Variants in MDGA2 observed in about 807,000 individuals in gnomAD.
MDGA2 encodes the protein MAM domain containing glycosylphosphatidylinositol anchor 2.
MDGA2 carries 40 observed loss-of-function variants against 117.8 expected under a neutral mutation model. The ratio of observed to expected loss-of-function variants is 0.34; its 90% CI spans 0.26 to 0.44. The LOEUF is 0.44. Among genes scored for constraint, MDGA2 ranks in the 20% least tolerant of loss-of-function variants. The probability of loss-of-function intolerance (pLI) is 1.00; values close to 1 mark genes in which losing one functional copy is unlikely to be tolerated. For synonymous variants in MDGA2, 452 were observed against 439.0 expected (o/e 1.03, Z -0.37); for missense variants, 1,123 against 1,250.6 (o/e 0.90, Z 1.54).
At chr14:47,515,705 C>T (rs1348745023) in intron 1 of MDGA2, among the ~76,000 whole-genome samples, 3 of 151,902 alleles carry the variant, frequency 2.0e-5, no homozygotes, top group Non-Finnish European at 4.4e-5. Flanking sequence ...TATCAGGTAC[C>T]ACAATATATT....
At chr14:47,284,753 T>G (rs1888614390) in intron 2 of MDGA2, among the ~76,000 whole-genome samples, 1 of 151,744 alleles carries the variant, frequency 6.6e-6, no homozygotes, top group African/African-American at 2.4e-5. Flanking sequence ...TGGAGTGGCC[T>G]TATTTTACCA....
At chr14:47,132,863 C>T (rs1001953189) in intron 4 of MDGA2, among the ~76,000 whole-genome samples, 5 of 151,746 alleles carry the variant, frequency 3.3e-5, no homozygotes, top group African/African-American at 9.7e-5. Context: ...TAACATTTGT[C>T]GAGTTCTAAA....
chr14:47,082,332 G>GAA (rs11285576), intron 6 of MDGA2, among the ~76,000 whole-genome samples: 22 of 144,580 alleles, frequency 1.5e-4, no homozygotes, highest in Middle Eastern at 3.5e-3. Context: ...TCCAGGGAAG[G>GAA]AAAAAAAAAA....
At chr14:47,485,239 GA>G (rs1178904667) in intron 1 of MDGA2, among the ~76,000 whole-genome samples, 9 of 152,258 alleles carry the variant, frequency 5.9e-5, no homozygotes, top group African/African-American at 1.9e-4. Flanking sequence ...AACTTGTTGG[GA>G]ACTAGAGCAA....
Position 47,296,422 on chromosome 14 carries a change from G to A in MDGA2, c.420+4989C>T, listed in dbSNP as rs116439624. Among the ~76,000 whole-genome samples the A allele has an allele frequency of 4.2e-3, 645 of 152,244 alleles. 3 individuals are homozygous for A. The highest frequency in any genetic ancestry group is 0.015 in the African/African-American group (617 of 41,548). On this transcript the variant is annotated intron_variant, in intron 2 of 16. Transcript: ENST00000399232. ...TTTATCAGCAATTGAATTTATTTAC[G>A]TAGTATATTTGTCGTCACAAGTCTA...
intron 2 of MDGA2, among the ~76,000 whole-genome samples, chr14:47,232,192 GC>G (rs534043206): frequency 6.6e-6 from 1 of 152,068 alleles, no homozygotes; most frequent in Non-Finnish European, 1.5e-5. Flanking sequence ...GAAGAGATGT[GC>G]TTTGTAAAGC....
intron 1 of MDGA2, among the ~76,000 whole-genome samples, chr14:47,425,048 C>T (rs1892657784): frequency 6.6e-6 from 1 of 152,154 alleles, no homozygotes; most frequent in African/African-American, 2.4e-5. Flanking sequence ...ATTGGAGCAG[C>T]TCCCAAGGTA....
intron 3 of MDGA2, among the ~76,000 whole-genome samples, chr14:47,210,772 A>T (rs1885852637): frequency 6.6e-6 from 1 of 152,044 alleles, no homozygotes. Context: ...TAATCCCAAC[A>T]CTTTGGGAGG....
At chr14:47,621,138 C>G (rs1212100486) in intron 1 of MDGA2, among the ~76,000 whole-genome samples, 1 of 152,128 alleles carries the variant, frequency 6.6e-6, no homozygotes, top group Non-Finnish European at 1.5e-5. Flanking sequence ...CTCATTAACT[C>G]CCACCACTCA....
chr14:47,147,856 C>T (rs776834643), intron 3 of MDGA2, among the ~76,000 whole-genome samples: 2 of 152,152 alleles, frequency 1.3e-5, no homozygotes, highest in Non-Finnish European at 2.9e-5. Context: ...AGATTCCTCT[C>T]ACCCTGCGCT....
chr14:47,192,216 G>A (rs1338935262), intron 3 of MDGA2, among the ~76,000 whole-genome samples: 2 of 152,068 alleles, frequency 1.3e-5, no homozygotes, highest in African/African-American at 4.8e-5. Context: ...AAGAGGTATG[G>A]GACCGAACGA....
chr14:46,921,588 C>T (rs1455470142), intron 9 of MDGA2, among the ~76,000 whole-genome samples: 3 of 147,158 alleles, frequency 2.0e-5, no homozygotes, highest in Non-Finnish European at 4.5e-5. Context: ...CACTGCACTC[C>T]AGCCTGGGGG....
chr14:46,925,199 C>T (rs1039430019), intron 9 of MDGA2, among the ~76,000 whole-genome samples: 7 of 152,070 alleles, frequency 4.6e-5, no homozygotes, highest in Admixed American at 3.3e-4. Flanking sequence ...CAACTTAAAG[C>T]GCAGAGAATT....
chr14:46,861,691 T>C (rs949328469), intron 14 of MDGA2, among the ~76,000 whole-genome samples: 2 of 151,932 alleles, frequency 1.3e-5, no homozygotes, highest in Non-Finnish European at 2.9e-5. Flanking sequence ...ATGTTTTACA[T>C]ATATAGTAAT....
rs1013101423 is a variant in MDGA2, at chr14:47,491,132, ATTT to A, written c.280+183382_280+183384del. 3.3e-5 allele frequency among the ~76,000 whole-genome samples: 5 copies of A among 152,114 alleles called. No individual in the cohort carries two copies. The East Asian group carries it at 9.7e-4, about 29-fold the overall frequency. On this transcript the variant is annotated intron_variant, in intron 1 of 16. Transcript: ENST00000399232. ...TAATTATAACAAAATGTTAAGCAGAATTTTTTTTGTTATCCTAAAATTATCACT... is the reference window on the plus strand; with the variant it reads ...TAATTATAACAAAATGTTAAGCAGAATTTTTGTTATCCTAAAATTATCACT...
At chr14:47,326,833 T>C (rs1890158649) in intron 1 of MDGA2, among the ~76,000 whole-genome samples, 1 of 152,170 alleles carries the variant, frequency 6.6e-6, no homozygotes, top group Admixed American at 6.6e-5. Flanking sequence ...TTAAATAATG[T>C]ATTGTTCCTT....
chr14:47,220,054 T>C (rs979966453), intron 2 of MDGA2, among the ~76,000 whole-genome samples: 1 of 152,096 alleles, frequency 6.6e-6, no homozygotes, highest in Non-Finnish European at 1.5e-5. Flanking sequence ...ACATAGGAAA[T>C]AGAAAAGTAG....
intron 1 of MDGA2, among the ~76,000 whole-genome samples, chr14:47,545,805 G>A (rs1461894499): frequency 6.6e-6 from 1 of 152,128 alleles, no homozygotes; most frequent in Non-Finnish European, 1.5e-5. Flanking sequence ...AAATCAAGGA[G>A]ATAGTGTGGG....
chr14:47,301,609 C>T, intron 1 of MDGA2, 59 bp from the exon 2 acceptor site: 8 of 1,526,770 alleles, frequency 5.2e-6, no homozygotes, highest in Non-Finnish European at 7.1e-6. Flanking sequence ...GTGATCTTCT[C>T]ATGAACCATC....
Sources: gnomAD v4.1 joint callset for allele counts (sites outside exome capture counted in the v4.1 genomes callset) on GRCh38, gnomAD v4.1.1 for gene constraint, MANE v1.5 for transcripts, NCBI Gene and HGNC (gene_info 2026-07-23, HGNC 2026-07-21) for gene names.